Variants in TRPM6 observed in about 807,000 individuals in gnomAD.
TRPM6 encodes channel kinase 2.
TRPM6 carries 111 observed loss-of-function variants against 247.6 expected under a neutral mutation model. The ratio of observed to expected loss-of-function variants is 0.45; its 90% CI spans 0.38 to 0.52. The LOEUF is 0.52. Ranked by LOEUF, TRPM6 falls within the 20% of genes least tolerant of loss-of-function variation. TRPM6 has a pLI of 0.00. For synonymous variants in TRPM6, 892 were observed against 853.8 expected (o/e 1.04, Z -0.78); for missense variants, 2,126 against 2,421.5 (o/e 0.88, Z 2.56).
At chr9:74,771,875 C>T (rs749487644) in intron 24 of TRPM6, 40 bp from the exon 25 acceptor site, 2 of 1,598,324 alleles carry the variant, frequency 1.3e-6, no homozygotes, top group Admixed American at 1.7e-5. Flanking sequence ...AATCATTATT[C>T]ACCTCAGGGC....
intron 31 of TRPM6, among the ~76,000 whole-genome samples, chr9:74,745,132 C>G (rs570932237): frequency 6.6e-6 from 1 of 152,126 alleles, no homozygotes; most frequent in African/African-American, 2.4e-5. Context: ...AAGTAATATA[C>G]GTAATAAAGG....
chr9:74,727,381 CAA>C (rs763828073), intron 38 of TRPM6, among the ~76,000 whole-genome samples: 8 of 52,252 alleles, frequency 1.5e-4, no homozygotes, highest in Non-Finnish European at 1.2e-4. Flanking sequence ...GACTCCGTCT[CAA>C]AAAAAAAAAA....
intron 5 of TRPM6, among the ~76,000 whole-genome samples, chr9:74,834,456 CTTATTATTA>C (rs113274138): frequency 1.3e-5 from 2 of 150,038 alleles, no homozygotes; most frequent in South Asian, 2.1e-4. Flanking sequence ...ATTATGAATG[CTTATTATTA>C]TTATTATTAT....
chr9:74,862,752 C>A (rs182139822), intron 1 of TRPM6, among the ~76,000 whole-genome samples: 1 of 152,098 alleles, frequency 6.6e-6, no homozygotes, highest in Non-Finnish European at 1.5e-5. Context: ...GAGGCCAAGG[C>A]GAGCAAGTCA....
chr9:74,782,761 T>C lies in TRPM6; in HGVS notation c.3012A>G (p.Pro1004=), dbSNP rs1283389180. 2 of 1,614,176 alleles carry C rather than the reference T, an allele frequency of 1.2e-6. No homozygotes were observed. Among genetic ancestry groups the C allele is most frequent in the Admixed American group, 3.3e-5 (2 of 60,024 alleles). Residue 1004 remains proline, a synonymous_variant, in exon 22 of 39, where the codon CCA becomes CCG. Transcript: ENST00000360774. ...TATCTCGAGCTAGACTCCAAGATGGTGGCTCTTTTGGCGAAAGGATGGCCT... is the reference window on the plus strand; with the variant it reads ...TATCTCGAGCTAGACTCCAAGATGGCGGCTCTTTTGGCGAAAGGATGGCCT... The part of the protein sequence containing the change: ...ARKAILSPKE[P]PSWSLARDIV...
rs368245433 is a variant in TRPM6 at position 74,782,742 on chromosome 9, G to T, written c.3031C>A (p.Arg1011=). 1.2e-6 allele frequency: 2 copies of T among 1,613,982 alleles called. No homozygotes were observed. The highest frequency in any genetic ancestry group is 3.3e-5 in the Admixed American group (2 of 60,002). Residue 1011 remains arginine (R), a synonymous_variant, in exon 22 of 39, where the codon CGA becomes AGA. Transcript: ENST00000360774. ...PKEPPSWSLA[R]DIVFEPYWMI... ...CAGTATGGCTCAAATACAATATCTCGAGCTAGACTCCAAGATGGTGGCTCT... is the reference window on the plus strand; with the variant it reads ...CAGTATGGCTCAAATACAATATCTCTAGCTAGACTCCAAGATGGTGGCTCT...
chr9:74,804,028 C>G, intron 14 of TRPM6, 142 bp from the exon 15 acceptor site: 2 of 691,090 alleles, frequency 2.9e-6, no homozygotes, highest in South Asian at 3.0e-5. Context: ...AATGTTGTGT[C>G]CTACCAAATA....
intron 1 of TRPM6, among the ~76,000 whole-genome samples, chr9:74,864,495 C>A (rs1830784827): frequency 6.6e-6 from 1 of 152,172 alleles, no homozygotes. Flanking sequence ...ATCTAAAAAC[C>A]AAGTTCCTGT....
intron 14 of TRPM6, among the ~76,000 whole-genome samples, chr9:74,806,242 T>C (rs1023620729): frequency 6.6e-6 from 1 of 151,702 alleles, no homozygotes; most frequent in Non-Finnish European, 1.5e-5. Context: ...AAAATACAAC[T>C]GAGAAAAAAA....
intron 17 of TRPM6, among the ~76,000 whole-genome samples, chr9:74,797,262 C>T (rs747273067): frequency 7.9e-5 from 12 of 152,134 alleles, no homozygotes; most frequent in African/African-American, 2.7e-4. Flanking sequence ...AAGGTAGCCA[C>T]GCTATATTGT....
chr9:74,785,730 A>T (rs565561019), intron 21 of TRPM6, 144 bp downstream of exon 21: 1 of 900,530 alleles, frequency 1.1e-6, no homozygotes, highest in Non-Finnish European at 1.8e-6. Context: ...TCACCCTGTT[A>T]GCCAGGATGT....
At chr9:74,799,667 T>C (rs1252498825) in intron 17 of TRPM6, among the ~76,000 whole-genome samples, 2 of 152,208 alleles carry the variant, frequency 1.3e-5, no homozygotes, top group Non-Finnish European at 2.9e-5. Flanking sequence ...AAAAGTCTCA[T>C]TTACTTTTGT....
chr9:74,836,036 A>C (rs992787587), intron 5 of TRPM6, among the ~76,000 whole-genome samples: 44 of 152,174 alleles, frequency 2.9e-4, no homozygotes, highest in African/African-American at 1.1e-3. Flanking sequence ...GCTGCTGTAC[A>C]TTCTATGAGT....
chr9:74,872,635 C>A (rs997437772), intron 1 of TRPM6, among the ~76,000 whole-genome samples: 6 of 132,822 alleles, frequency 4.5e-5, no homozygotes, highest in African/African-American at 8.9e-5. Context: ...CATGCGCGCA[C>A]GTGTGTACAT....
At chr9:74,836,777 G>C (rs549486318) in intron 5 of TRPM6, among the ~76,000 whole-genome samples, 4 of 152,236 alleles carry the variant, frequency 2.6e-5, no homozygotes, top group African/African-American at 9.6e-5. Flanking sequence ...ACACACTCCA[G>C]CCAGGAGCTT....
chr9:74,837,744 C>CA, intron 5 of TRPM6, among the ~76,000 whole-genome samples: 1 of 70,774 alleles, frequency 1.4e-5, no homozygotes, highest in Non-Finnish European at 3.0e-5. Flanking sequence ...CCACGCCCGG[C>CA]CCCCTTTTTT....
At chr9:74,811,398 C>T (rs902252471) in intron 12 of TRPM6, among the ~76,000 whole-genome samples, 19 of 152,086 alleles carry the variant, frequency 1.2e-4, no homozygotes, top group African/African-American at 4.3e-4. Context: ...ATCAAGAAGA[C>T]AAGACTTGAA....
At chr9:74,875,164 T>C (rs1831154439) in intron 1 of TRPM6, 1 of 422,566 alleles carries the variant, frequency 2.4e-6, no homozygotes, top group African/African-American at 2.0e-5. Context: ...ACCATCATCA[T>C]CTGCAGGTCA....
At chr9:74,820,460 C>G (rs749468232) in intron 8 of TRPM6, 33 bp from the exon 9 acceptor site, 7 of 1,613,466 alleles carry the variant, frequency 4.3e-6, no homozygotes, top group Admixed American at 1.7e-5. Flanking sequence ...TGACACAACC[C>G]AGAGAGGGGA....
Sources: allele counts gnomAD v4.1 joint callset (sites outside exome capture counted in the v4.1 genomes callset), GRCh38; gene constraint gnomAD v4.1.1; transcripts MANE v1.5; gene names NCBI Gene and HGNC (gene_info 2026-07-23, HGNC 2026-07-21).